The following MACF1 variants were observed in gnomAD, a reference collection of about 807,000 sequenced individuals.
The protein encoded by MACF1 is microtubule-actin cross-linking factor 1.
In MACF1, 193 loss-of-function variants were observed where a neutral mutation model predicts 854.8. That is an observed-to-expected ratio of 0.23 (90% CI 0.20 to 0.25). MACF1 has a LOEUF of 0.25. MACF1 is among the 10% of genes least tolerant of loss of function. The pLI is 1.00. For missense variants in MACF1, 7,722 were observed against 8,929.1 expected (o/e 0.86, Z 5.45); for synonymous variants, 3,185 against 3,226.7 (o/e 0.99, Z 0.44).
At chr1:39,462,723 AAAC>A (rs1644580455) in intron 93 of MACF1, among the ~76,000 whole-genome samples, 1 of 152,174 alleles carries the variant, frequency 6.6e-6, no homozygotes, top group African/African-American at 2.4e-5. Flanking sequence ...TAAAAAATAA[AAAC>A]AAATGTTTAA....
At position 39,327,292 on chromosome 1, in the gene MACF1, A is replaced by T. The variant is rs750107904; in HGVS notation, c.4553A>T (p.Asp1518Val). The T allele has an allele frequency of 3.1e-6, 5 of 1,608,490 alleles. No individual in the cohort carries two copies. Among genetic ancestry groups the T allele is most frequent in the Non-Finnish European group, 4.3e-6 (5 of 1,175,406 alleles). Residue 1518 changes from aspartate to valine, a missense_variant, in exon 36 of 101, where the codon GAT becomes GTT. This residue lies in a region of MACF1 where 1,531 missense variants were observed against 1,601.6 expected (regional missense o/e 0.96). Coordinates refer to ENST00000564288, the MANE Select transcript of MACF1 (RefSeq NM_001394062.1). ...AACAAGGCTTACCATGACCTTTGTG[A>T]TGGTTCTGCAAATCAGCTTCAGCAG... ...ALNKAYHDLC[D>V]GSANQLQQLQ...
chr1:39,123,513 C>CA (rs1314614628), intron 2 of MACF1, among the ~76,000 whole-genome samples: 1 of 150,926 alleles, frequency 6.6e-6, no homozygotes, highest in Non-Finnish European at 1.5e-5. Context: ...TGGCCTGAAT[C>CA]AATTTTAATT....
chr1:39,340,660 G>C lies in MACF1; in HGVS notation c.10374G>C (p.Val3458=). 1 of 1,614,194 alleles carries C rather than the reference G, an allele frequency of 6.2e-7. No individual in the cohort carries two copies. The highest frequency in any genetic ancestry group is 1.1e-5 in the South Asian group (1 of 91,084). Residue 3458 remains valine, a synonymous_variant, in exon 39 of 101, where the codon GTG becomes GTC. Coordinates refer to ENST00000564288, the MANE Select transcript of MACF1 (RefSeq NM_001394062.1). ...ATCTTCAGAAGTCTCTCAGCTCTGT[G>C]AGTGACACTTGGAATTCCAGGCTAC... ...AKNLQKSLSS[V]SDTWNSRLLH...
At position 39,282,236 on chromosome 1, in the gene MACF1, CAG is replaced by C; in HGVS notation, c.558_559del (p.Asp188TyrfsTer32). 2 of 1,613,976 alleles carry C rather than the reference CAG, an allele frequency of 1.2e-6. No homozygotes were observed. On this transcript the variant is annotated frameshift_variant, in exon 7 of 101. Coordinates refer to ENST00000564288, the MANE Select transcript of MACF1 (RefSeq NM_001394062.1). LOFTEE classifies it high-confidence loss of function. Reference sequence around the variant, plus strand: ...TCTGACATCTACATTAGTGGAGAATCAGGGGATATGTCAGCCAAGGAGAAACT... The same window carrying C: ...TCTGACATCTACATTAGTGGAGAATCGGGATATGTCAGCCAAGGAGAAACT...
At chr1:39,325,487 T>G (rs992742650) in intron 35 of MACF1, among the ~76,000 whole-genome samples, 1 of 152,092 alleles carries the variant, frequency 6.6e-6, no homozygotes, top group African/African-American at 2.4e-5. Flanking sequence ...TATAATAGAG[T>G]CAATATTTAA....
intron 6 of MACF1, among the ~76,000 whole-genome samples, chr1:39,275,892 A>G (rs992852582): frequency 3.4e-5 from 5 of 148,432 alleles, no homozygotes; most frequent in Non-Finnish European, 7.4e-5. Flanking sequence ...TTGTAGAACC[A>G]CTGCATTGTG....
In MACF1 at chr1:39,423,994, C is replaced by A. The variant is rs374289764; in HGVS notation, c.16150-34C>A. ...TTCCTAGTTCAGATTTCAAAATGATCCTGTGTTACAGCTTTTCATTCTCTT... is the reference window on the plus strand; with the variant it reads ...TTCCTAGTTCAGATTTCAAAATGATACTGTGTTACAGCTTTTCATTCTCTT... On this transcript the variant is annotated intron_variant, in intron 60 of 100. Coordinates refer to ENST00000564288, the MANE Select transcript of MACF1 (RefSeq NM_001394062.1). The A allele has an allele frequency of 9.6e-5, 146 of 1,519,538 alleles. No homozygotes were observed. In the African/African-American group the frequency reaches 1.4e-3, roughly 15 times the overall value. 94.1% of individuals were successfully genotyped at this position (1,519,538 alleles called of 1,614,324 possible). A position where few individuals can be genotyped will look rare whatever the true frequency, so the allele number is the denominator to read the frequency against.
intron 33 of MACF1, among the ~76,000 whole-genome samples, chr1:39,323,556 C>T (rs1292824137): frequency 6.6e-6 from 1 of 151,694 alleles, no homozygotes; most frequent in Non-Finnish European, 1.5e-5. Context: ...AAAGACATGG[C>T]ATAGAAAGAA....
At chr1:39,452,382 A>G in intron 86 of MACF1, 32 bp downstream of exon 86, 2 of 1,592,634 alleles carry the variant, frequency 1.3e-6, no homozygotes, top group South Asian at 1.1e-5. Context: ...AACCCAAGGG[A>G]TAGATCTGAG....
intron 6 of MACF1, chr1:39,268,611 C>T (rs767221039): frequency 6.1e-5 from 73 of 1,190,484 alleles, no homozygotes; most frequent in Admixed American, 2.5e-4. Context: ...AAATGTGCAT[C>T]GAATCCGATG....
intron 54 of MACF1, 125 bp from the exon 55 acceptor site, chr1:39,380,119 C>A: frequency 2.2e-6 from 2 of 904,716 alleles, no homozygotes; most frequent in Non-Finnish European, 3.4e-6. Flanking sequence ...CACCACTAAA[C>A]AAGTCATTGA....
At chr1:39,266,036 G>C (rs911614198) in intron 6 of MACF1, among the ~76,000 whole-genome samples, 1 of 152,138 alleles carries the variant, frequency 6.6e-6, no homozygotes, top group African/African-American at 2.4e-5. Flanking sequence ...TGAAATCTCT[G>C]CTCCTTCCCT....
At chr1:39,415,856 G>A (rs1227249135) in intron 58 of MACF1, among the ~76,000 whole-genome samples, 1 of 152,180 alleles carries the variant, frequency 6.6e-6, no homozygotes, top group Non-Finnish European at 1.5e-5. Flanking sequence ...AGATGACTGA[G>A]TGAGAAGATT....
In MACF1 at chr1:39,335,328, G is replaced by A. The variant is rs770303770; in HGVS notation, c.8740G>A (p.Val2914Met). ...TACAAATGAAGAGCAGGAAAAAGCA[G>A]TGACAAAAATAGAAATTATTTCTCA... Reference protein sequence around the residue: ...NDTNEEQEKAVTKIEIISHMK... With the variant: ...NDTNEEQEKAMTKIEIISHMK... The change falls in exon 37 of 101, where the codon GTG (valine) becomes ATG (methionine). Residue 2914 changes from valine (V) to methionine (M), a missense_variant. Physicochemically the swap from Val to Met is conservative, Grantham distance 21. Transcript: ENST00000564288. The A allele has an allele frequency of 2.2e-5, 35 of 1,613,764 alleles. No individual in the cohort carries two copies. The highest frequency in any genetic ancestry group is 3.3e-5 in the Admixed American group (2 of 59,970).
At chr1:39,327,067 CAGA>C (rs1646628500) in intron 35 of MACF1, 148 bp from the exon 36 acceptor site, 1 of 700,086 alleles carries the variant, frequency 1.4e-6, no homozygotes, top group Non-Finnish European at 2.3e-6. Context: ...TTGAGATAAA[CAGA>C]AGAACTGACT....
rs560141221 is a variant in MACF1 at position 39,388,395 on chromosome 1, C to T, written c.15553C>T (p.His5185Tyr). The change falls in exon 58 of 101, where the codon CAT becomes TAT. Residue 5185 changes from histidine (H) to tyrosine (Y), a missense_variant. Physicochemically the swap from His to Tyr is moderately conservative, Grantham distance 83. This residue lies in a region of MACF1 where 2,807 missense variants were observed against 3,235.8 expected (regional missense o/e 0.87). Coordinates refer to ENST00000564288, the MANE Select transcript of MACF1 (RefSeq NM_001394062.1). ...DIEASEAECRHMLEEEGTLDL... is the reference protein window; with the variant it reads ...DIEASEAECRYMLEEEGTLDL... ...AGAGGCCTCTGAAGCAGAGTGTCGACATATGCTAGAAGAAGAGGGGACTCT... is the reference window on the plus strand; with the variant it reads ...AGAGGCCTCTGAAGCAGAGTGTCGATATATGCTAGAAGAAGAGGGGACTCT... The T allele has an allele frequency of 4.6e-5, 74 of 1,614,142 alleles. 1 individual carries two copies. The South Asian group carries it at 8.1e-4, about 18-fold the overall frequency.
At chr1:39,184,599 G>C (rs1178427408) in intron 2 of MACF1, among the ~76,000 whole-genome samples, 1 of 152,176 alleles carries the variant, frequency 6.6e-6, no homozygotes, top group Admixed American at 6.5e-5. Context: ...GTGAGGCGGA[G>C]TGTGGTGGCG....
At chr1:39,483,499 C>G (rs950547361) in intron 99 of MACF1, among the ~76,000 whole-genome samples, 6 of 152,152 alleles carry the variant, frequency 3.9e-5, no homozygotes, top group African/African-American at 1.4e-4. Flanking sequence ...AAATGAACAG[C>G]AAGGGGACAA....
chr1:39,390,309 G>T (rs530448778), intron 58 of MACF1, among the ~76,000 whole-genome samples: 175 of 152,356 alleles, frequency 1.1e-3, no homozygotes, highest in South Asian at 0.011. Flanking sequence ...AAACATGGAT[G>T]CAGAGGTAAT....
Sources: gnomAD v4.1 joint callset for allele counts (sites outside exome capture counted in the v4.1 genomes callset) on GRCh38, gnomAD v4.1.1 for gene constraint, gnomAD v4.1.1 regional missense constraint, MANE v1.5 for transcripts, NCBI Gene and HGNC (gene_info 2026-07-23, HGNC 2026-07-21) for gene names.